LAMA4: variants seen among roughly 807,000 people sequenced by gnomAD.
LAMA4 encodes the protein laminin subunit alpha-4.
Under a neutral mutation model 207.1 loss-of-function variants are expected in LAMA4, and 127 were observed. The observed-to-expected ratio is 0.61, with a 90% CI of 0.53 to 0.71. The LOEUF is 0.71. LAMA4 is among the 30% of genes least tolerant of loss of function. The pLI is 0.00. For synonymous variants in LAMA4, 761 were observed against 816.0 expected, an observed-to-expected ratio of 0.93 and a Z score of 1.15; for missense variants, 2,093 against 2,246.5, an observed-to-expected ratio of 0.93 and a Z score of 1.38.
chr6:112,215,926 A>G lies in LAMA4; in HGVS notation c.297+442T>C, dbSNP rs372315375. 4.6e-5 allele frequency among the ~76,000 whole-genome samples: 7 copies of G among 152,336 alleles called. No individual in the cohort carries two copies. The East Asian group carries it at 1.2e-3, about 25-fold the overall frequency. On this transcript the variant is annotated intron_variant, in intron 3 of 38. Transcript: ENST00000230538. ...TCAAACTTAAATTTCTTTTTTAAAA[A>G]CTAATTTTGATCTATAGACCTGGTT...
chr6:112,229,766 T>C (rs1647335430), intron 2 of LAMA4, among the ~76,000 whole-genome samples: 1 of 152,254 alleles, frequency 6.6e-6, no homozygotes, highest in South Asian at 2.1e-4. Context: ...TCATAATTCC[T>C]CTATCATAAT....
At chr6:112,155,422 T>C in intron 15 of LAMA4, 143 bp downstream of exon 15, 1 of 862,682 alleles carries the variant, frequency 1.2e-6, no homozygotes, top group Non-Finnish European at 1.9e-6. Flanking sequence ...AAGGCATTCA[T>C]GAAATGGTCT....
At position 112,109,305 on chromosome 6, in the gene LAMA4, G is replaced by A; in HGVS notation, c.*132C>T. ...AAATAAGAAATATCCGGTCCCTGAT[G>A]ATTCGTTTAAGTCCTGTTCAACTCG... On this transcript the variant is annotated 3_prime_UTR_variant, in exon 39 of 39. Transcript: ENST00000230538. The A allele has an allele frequency of 1.1e-6, 1 of 941,780 alleles. No homozygotes were observed. The highest frequency in any genetic ancestry group is 1.4e-5 in the South Asian group (1 of 70,796). The allele number at this position is 941,780 out of a possible 1,614,324, so 58.3% of individuals were successfully genotyped here.
At chr6:112,174,250 C>A (rs890108419) in intron 11 of LAMA4, among the ~76,000 whole-genome samples, 6 of 152,214 alleles carry the variant, frequency 3.9e-5, no homozygotes, top group African/African-American at 1.2e-4. Flanking sequence ...GTGTGCTTTT[C>A]ATTCTTGCTC....
In LAMA4 at chr6:112,175,316, C is replaced by G; in HGVS notation, c.1354G>C (p.Glu452Gln). ...LVDEEADEAY[E>Q]LLSQAESWQR... ...GCTATGAGAGGAATACACCTACGTT[C>G]GTAAGCCTCATCTGCCTCCTCATCC... is the stretch of plus-strand genomic sequence containing the variant. Residue 452 changes from glutamate (E) to glutamine (Q), a missense_variant, in exon 11 of 39, where the codon GAA becomes CAA. Glu to Gln is a conservative substitution (Grantham distance 29). Around this residue, in one of 3 missense-constraint regions of LAMA4, gnomAD observed 1,704 missense variants for 1,788.4 expected, o/e 0.95. Coordinates refer to ENST00000230538, the MANE Select transcript of LAMA4 (RefSeq NM_001105206.3). The G allele has an allele frequency of 2.5e-6, 4 of 1,613,898 alleles. No individual in the cohort carries two copies. Among genetic ancestry groups the G allele is most frequent in the Non-Finnish European group, 3.4e-6 (4 of 1,179,896 alleles).
chr6:112,201,305 A>G (rs1783732671), intron 5 of LAMA4, among the ~76,000 whole-genome samples: 1 of 152,246 alleles, frequency 6.6e-6, no homozygotes, highest in Non-Finnish European at 1.5e-5. Context: ...GAGAGAAAAG[A>G]GTACTACCAA....
chr6:112,223,361 A>G (rs1299582988), intron 2 of LAMA4, among the ~76,000 whole-genome samples: 2 of 152,208 alleles, frequency 1.3e-5, no homozygotes, highest in Non-Finnish European at 2.9e-5. Context: ...CTCCTTAGCT[A>G]CTTAGAAGGA....
At chr6:112,144,178 T>A (rs1314556658) in intron 19 of LAMA4, among the ~76,000 whole-genome samples, 6 of 152,346 alleles carry the variant, frequency 3.9e-5, no homozygotes, top group Admixed American at 6.5e-5. Context: ...TCAGGAGATG[T>A]TCCTACAAAT....
rs978120019 is a variant in LAMA4, at chr6:112,133,230, T to C, written c.3696+119A>G. On this transcript the variant is annotated intron_variant, in intron 27 of 38. Transcript: ENST00000230538. ...GCTTAATGGTTCTTCTTTCTGGTGG[T>C]GGCAGAAAGGAACCCAAGGTGTACC... is the stretch of plus-strand genomic sequence containing the variant. 6.7e-6 allele frequency: 7 copies of C among 1,052,592 alleles called. No homozygotes were observed. The African/African-American group carries it at 7.8e-5, about 12-fold the overall frequency. 65.2% of individuals were successfully genotyped at this position (1,052,592 alleles called of 1,614,324 possible).
intron 7 of LAMA4, among the ~76,000 whole-genome samples, chr6:112,188,026 T>A (rs1232376403): frequency 1.3e-5 from 2 of 152,120 alleles, no homozygotes; most frequent in Non-Finnish European, 2.9e-5. Context: ...CAGTTCCTCA[T>A]CACTTCTCAC....
At chr6:112,110,167 A>C (rs180993868) in intron 38 of LAMA4, among the ~76,000 whole-genome samples, 1 of 152,164 alleles carries the variant, frequency 6.6e-6, no homozygotes, top group Non-Finnish European at 1.5e-5. Context: ...TTGTGTGGGC[A>C]CAAGTGCCCT....
At chr6:112,177,655 C>A (rs1782104179) in intron 10 of LAMA4, among the ~76,000 whole-genome samples, 1 of 152,198 alleles carries the variant, frequency 6.6e-6, no homozygotes, top group South Asian at 2.1e-4. Context: ...TCCTTTTCTT[C>A]TGGGTTGGGG....
intron 9 of LAMA4, 81 bp from the exon 10 acceptor site, chr6:112,178,313 T>C: frequency 1.0e-6 from 1 of 952,558 alleles, no homozygotes; most frequent in Non-Finnish European, 1.7e-6. Context: ...TGGGTGGGCA[T>C]AATGTATTTC....
At chr6:112,233,363 T>A (rs1785685170) in intron 2 of LAMA4, among the ~76,000 whole-genome samples, 1 of 152,172 alleles carries the variant, frequency 6.6e-6, no homozygotes, top group African/African-American at 2.4e-5. Context: ...CAACAAATAA[T>A]TGTGGAATGC....
chr6:112,189,721 GAC>G (rs1782904317), intron 6 of LAMA4, among the ~76,000 whole-genome samples: 1 of 152,174 alleles, frequency 6.6e-6, no homozygotes, highest in Admixed American at 6.5e-5. Context: ...CCCTTGGCAA[GAC>G]AGACTCCAAA....
chr6:112,153,598 A>G (rs1210825726), intron 16 of LAMA4, among the ~76,000 whole-genome samples: 4 of 152,148 alleles, frequency 2.6e-5, no homozygotes, highest in African/African-American at 9.6e-5. Flanking sequence ...AGAATATATT[A>G]CAAGTTATCA....
intron 2 of LAMA4, among the ~76,000 whole-genome samples, chr6:112,227,131 G>T (rs916507158): frequency 2.0e-5 from 3 of 151,808 alleles, no homozygotes; most frequent in African/African-American, 7.3e-5. Context: ...GAGTGCAGTG[G>T]CATGATCTCA....
chr6:112,129,188 ATGTG>A (rs782011252), intron 30 of LAMA4, 113 bp from the exon 31 acceptor site: 5 of 493,758 alleles, frequency 1.0e-5, no homozygotes, highest in Non-Finnish European at 1.4e-5. Context: ...GTGTGTGTGC[ATGTG>A]TGTGTGTGTG....
chr6:112,237,428 T>C (rs1786013150), intron 2 of LAMA4, among the ~76,000 whole-genome samples: 1 of 152,214 alleles, frequency 6.6e-6, no homozygotes, highest in African/African-American at 2.4e-5. Flanking sequence ...CCCAGCATAG[T>C]GGTTCTCAAA....
Sources: allele counts gnomAD v4.1 joint callset (sites outside exome capture counted in the v4.1 genomes callset), GRCh38; gene constraint gnomAD v4.1.1; regional missense constraint gnomAD v4.1.1; transcripts MANE v1.5; gene names NCBI Gene and HGNC (gene_info 2026-07-23, HGNC 2026-07-21).